BCAP29: variants seen among roughly 807,000 people sequenced by gnomAD.
BCAP29 encodes the protein B cell receptor associated protein 29, also known as B-cell receptor-associated protein 29.
In BCAP29, 34 loss-of-function variants were observed where a neutral mutation model predicts 31.8. The ratio of observed to expected loss-of-function variants is 1.07; its 90% CI spans 0.81 to 1.42. The LOEUF (loss-of-function observed/expected upper bound fraction) is 1.42. Among genes scored for constraint, BCAP29 ranks in the 40% most tolerant of loss-of-function variants. The pLI is 0.00. For synonymous variants in BCAP29, 104 were observed against 91.3 expected, an observed-to-expected ratio of 1.14 and a Z score of -0.79; for missense variants, 314 against 269.2, an observed-to-expected ratio of 1.17 and a Z score of -1.16.
intron 6 of BCAP29, 25 bp from the exon 7 acceptor site, chr7:107,613,307 A>G (rs757563479): frequency 3.3e-6 from 5 of 1,528,242 alleles, no homozygotes; most frequent in Non-Finnish European, 2.7e-6. Flanking sequence ...CTGAAATAAA[A>G]ATAAAACTAT....
intron 2 of BCAP29, among the ~76,000 whole-genome samples, chr7:107,581,709 ACTT>A (rs1386039779): frequency 1.3e-5 from 2 of 152,226 alleles, no homozygotes; most frequent in African/African-American, 4.8e-5. Context: ...ACTGGGAGAA[ACTT>A]CTTAAAGTTT....
intron 7 of BCAP29, among the ~76,000 whole-genome samples, chr7:107,614,155 C>T (rs1813714242): frequency 6.6e-6 from 1 of 152,190 alleles, no homozygotes; most frequent in African/African-American, 2.4e-5. Context: ...GGCTTGTCTT[C>T]AAAATTTGGC....
chr7:107,604,688 T>G (rs12155084), intron 6 of BCAP29, among the ~76,000 whole-genome samples: 95,047 of 136,514 alleles, frequency 0.7, 31,580 homozygotes, highest in South Asian at 0.8. Flanking sequence ...TGTTGTTGTT[T>G]TTTTTTTTTT....
Position 107,601,060 on chromosome 7 carries a change from C to T in BCAP29, c.589+555C>T, listed in dbSNP as rs146057699. 5.9e-5 allele frequency among the ~76,000 whole-genome samples: 9 copies of T among 152,066 alleles called. No homozygotes were observed. In the East Asian group the frequency reaches 7.7e-4, roughly 13 times the overall value. On this transcript the variant is annotated intron_variant, in intron 6 of 7. Transcript: ENST00000005259. ...AGGCTTGAAGTGGAGCATCCCAACT[C>T]CATTTTCCTGAAGGCAGCAATTTCT...
At chr7:107,603,550 G>T (rs7785962) in intron 6 of BCAP29, 25,949 of 150,762 alleles carry the variant, frequency 0.17, 2,795 homozygotes, top group Non-Finnish European at 0.24. Flanking sequence ...TCTTGACCAT[G>T]CCTTTCTTCT....
In BCAP29 at chr7:107,616,720, C is replaced by G. The variant is rs541191274; in HGVS notation, c.691-1608C>G. On this transcript the variant is annotated intron_variant, in intron 7 of 7. Transcript: ENST00000005259. ...GTATAAGATTCTCAGATTTAGATAT[C>G]ATTAAGAGCCCCATTTTGTTTGTTT... is the stretch of plus-strand genomic sequence containing the variant. Among the ~76,000 whole-genome samples the G allele has an allele frequency of 2.0e-4, 30 of 152,122 alleles. No homozygotes were observed. The East Asian group carries it at 5.8e-3, about 29-fold the overall frequency.
At chr7:107,588,818 C>T (rs192246678) in intron 3 of BCAP29, among the ~76,000 whole-genome samples, 215 of 152,250 alleles carry the variant, frequency 1.4e-3, no homozygotes, top group Non-Finnish European at 2.5e-3. Flanking sequence ...TGTAAACTCC[C>T]CTTAAATTCT....
chr7:107,600,595 C>A, intron 6 of BCAP29, 90 bp downstream of exon 6: 2 of 666,082 alleles, frequency 3.0e-6, no homozygotes, highest in South Asian at 2.2e-5. Flanking sequence ...AAAACTAATG[C>A]CTAAATGTTC....
In BCAP29 at chr7:107,618,815, A is replaced by G. The variant is rs1269360490; in HGVS notation, c.*452A>G. On this transcript the variant is annotated 3_prime_UTR_variant, in exon 8 of 8. Transcript: ENST00000005259. ...CAGCAAATTTGTACACAGGGAATGTAAATAAGGATAACTGATCAGAGTTAT... is the reference window on the plus strand; with the variant it reads ...CAGCAAATTTGTACACAGGGAATGTGAATAAGGATAACTGATCAGAGTTAT... 3 of 387,704 alleles carry G rather than the reference A, an allele frequency of 7.7e-6. No individual in the cohort carries two copies. Among genetic ancestry groups the G allele is most frequent in the Non-Finnish European group, 1.4e-5 (3 of 213,712 alleles). 24.0% of individuals were successfully genotyped at this position (387,704 alleles called of 1,614,324 possible).
intron 6 of BCAP29, among the ~76,000 whole-genome samples, chr7:107,608,250 A>G (rs944642467): frequency 1.3e-5 from 2 of 151,910 alleles, no homozygotes; most frequent in African/African-American, 2.4e-5. Flanking sequence ...CCTTGAAAGC[A>G]GAGTATCTGT....
chr7:107,622,204 C>T (rs796664644), downstream of BCAP29: 59 of 184,590 alleles, frequency 3.2e-4, no homozygotes, highest in African/African-American at 1.3e-3. Context: ...ATGCTCTCAG[C>T]AGCCACCTGG....
chr7:107,615,453 G>A lies in BCAP29; in HGVS notation c.690+2021G>A, dbSNP rs560978341. The A allele has an allele frequency of 5.9e-5, 22 of 372,804 alleles. No homozygotes were observed. In the East Asian group the frequency reaches 1.1e-3, roughly 19 times the overall value. The allele number at this position is 372,804 out of a possible 1,614,324, so 23.1% of individuals were successfully genotyped here. On this transcript the variant is annotated intron_variant, in intron 7 of 7. Coordinates refer to ENST00000005259, the MANE Select transcript of BCAP29 (RefSeq NM_018844.4). ...CTACTAAAAATACAAAAAATTAGCCGGGCATGGTGGCAAGTGCCTGTAATC... is the reference window on the plus strand; with the variant it reads ...CTACTAAAAATACAAAAAATTAGCCAGGCATGGTGGCAAGTGCCTGTAATC...
At chr7:107,600,905 T>A (rs1237524397) in intron 6 of BCAP29, among the ~76,000 whole-genome samples, 1 of 152,216 alleles carries the variant, frequency 6.6e-6, no homozygotes, top group Non-Finnish European at 1.5e-5. Flanking sequence ...TTTCAAGCAC[T>A]AATATATTCT....
chr7:107,620,537 T>C (rs1053484567), downstream of BCAP29: 3 of 152,212 alleles, frequency 2.0e-5, no homozygotes, highest in African/African-American at 7.2e-5. Flanking sequence ...TCTTTATGTC[T>C]TAGGCTGTAT....
chr7:107,605,562 A>G (rs1811937478), intron 6 of BCAP29, among the ~76,000 whole-genome samples: 1 of 152,234 alleles, frequency 6.6e-6, no homozygotes, highest in Non-Finnish European at 1.5e-5. Context: ...AATGAGTGAA[A>G]TGATACTACT....
intron 5 of BCAP29, among the ~76,000 whole-genome samples, chr7:107,599,052 A>AATATATTTATAAAT (rs1372482678): frequency 8.6e-4 from 115 of 133,654 alleles, no homozygotes; most frequent in African/African-American, 3.2e-3. Flanking sequence ...ATATATATAA[A>AATATATTTATAAAT]ATATATTTAT....
chr7:107,605,325 A>G (rs1371304708), intron 6 of BCAP29, among the ~76,000 whole-genome samples: 1 of 152,232 alleles, frequency 6.6e-6, no homozygotes, highest in Non-Finnish European at 1.5e-5. Flanking sequence ...GGGACATTAA[A>G]GCAAGAGAAA....
At chr7:107,584,592 C>T (rs1259451105) in intron 3 of BCAP29, among the ~76,000 whole-genome samples, 1 of 152,084 alleles carries the variant, frequency 6.6e-6, no homozygotes, top group Admixed American at 6.6e-5. Flanking sequence ...CCCATAGTCC[C>T]AGCTACTCGG....
At chr7:107,601,499 A>T (rs1238522825) in intron 6 of BCAP29, among the ~76,000 whole-genome samples, 1 of 152,218 alleles carries the variant, frequency 6.6e-6, no homozygotes, top group Non-Finnish European at 1.5e-5. Context: ...TTCAGAAGCA[A>T]TAAGTTAAAA....
Sources: allele counts gnomAD v4.1 joint callset (sites outside exome capture counted in the v4.1 genomes callset), GRCh38; gene constraint gnomAD v4.1.1; transcripts MANE v1.5; gene names NCBI Gene and HGNC (gene_info 2026-07-23, HGNC 2026-07-21).